SPDL1: variants seen among roughly 807,000 people sequenced by gnomAD.
SPDL1 encodes protein Spindly.
In SPDL1, 85 loss-of-function variants were observed where a neutral mutation model predicts 79.5. The ratio of observed to expected loss-of-function variants is 1.07; its 90% CI spans 0.90 to 1.28. The LOEUF (loss-of-function observed/expected upper bound fraction) is 1.28. Among genes scored for constraint, SPDL1 ranks in the 50% most tolerant of loss-of-function variants. SPDL1 has a pLI of 0.00. For missense variants in SPDL1, 703 were observed against 697.8 expected (o/e 1.01, Z -0.08); for synonymous variants, 269 against 240.3 (o/e 1.12, Z -1.10).
At chr5:169,601,877 T>A in intron 11 of SPDL1, 1 of 557,014 alleles carries the variant, frequency 1.8e-6, no homozygotes, top group Non-Finnish European at 3.2e-6. Flanking sequence ...AAAGGGAATA[T>A]CACAGTTTAA....
rs773264345 is a variant in SPDL1 at position 169,596,633 on chromosome 5, A to G, written c.964A>G (p.Met322Val). The stretch of plus-strand genomic sequence containing the variant: ...TGAGCAGCAGGAACGGTTGCTTGCC[A>G]TGTTGGAGCAGAAGAATGGTGAAAT... ...EFEQQERLLA[M>V]LEQKNGEIKH... The change falls in exon 8 of 12, where the codon ATG (methionine) becomes GTG (valine). Residue 322 changes from methionine to valine, a missense_variant. Coordinates refer to ENST00000265295, the MANE Select transcript of SPDL1 (RefSeq NM_017785.5). 23 of 1,607,694 alleles carry G rather than the reference A, an allele frequency of 1.4e-5. No homozygotes were observed. The East Asian group carries it at 1.8e-4, about 13-fold the overall frequency.
Position 169,594,307 on chromosome 5 carries a change from C to T in SPDL1, c.681+13C>T, listed in dbSNP as rs1420471601. 6.2e-6 allele frequency: 10 copies of T among 1,612,560 alleles called. No homozygotes were observed. Among genetic ancestry groups the T allele is most frequent in the Non-Finnish European group, 8.5e-6 (10 of 1,179,078 alleles). On this transcript the variant is annotated intron_variant, in intron 5 of 11. Coordinates refer to ENST00000265295, the MANE Select transcript of SPDL1 (RefSeq NM_017785.5). ...TAATGCCCTAGAGGTACTATGATTA[C>T]AGTAACATCATGTTTTCCAATTTAT...
chr5:169,603,436 G>A (rs1357341953), intron 11 of SPDL1, among the ~76,000 whole-genome samples: 2 of 152,250 alleles, frequency 1.3e-5, no homozygotes, highest in East Asian at 3.9e-4. Context: ...TGTATGTCAT[G>A]TTAACATTAA....
intron 11 of SPDL1, 49 bp downstream of exon 11, chr5:169,601,674 CCT>C (rs752946747): frequency 1.4e-6 from 2 of 1,468,378 alleles, no homozygotes; most frequent in East Asian, 2.3e-5. Context: ...CTCCATCTCT[CCT>C]CTCTCGCTGC....
intron 7 of SPDL1, 102 bp from the exon 8 acceptor site, chr5:169,596,459 T>A: frequency 9.9e-7 from 1 of 1,012,210 alleles, no homozygotes; most frequent in Non-Finnish European, 1.4e-6. Context: ...CCAAAATGAG[T>A]TCAAAGTAAT....
intron 3 of SPDL1, among the ~76,000 whole-genome samples, chr5:169,592,216 T>A: frequency 7.3e-6 from 1 of 137,128 alleles, no homozygotes; most frequent in South Asian, 2.5e-4. Flanking sequence ...TTTTTTTCCT[T>A]TTTTTTTTTT....
At position 169,594,175 on chromosome 5, in the gene SPDL1, C is replaced by T. The variant is rs75861463; in HGVS notation, c.562C>T (p.Gln188Ter). The T allele has an allele frequency of 9.9e-6, 16 of 1,612,236 alleles. No homozygotes were observed. Among genetic ancestry groups the T allele is most frequent in the Non-Finnish European group, 1.4e-5 (16 of 1,179,318 alleles). The change falls in exon 5 of 12, where the codon CAA becomes TAA. Residue 188 changes from glutamine to a stop codon, truncating the protein, a stop_gained. Transcript: ENST00000265295. LOFTEE classifies it high-confidence loss of function. The part of the protein sequence containing the change: ...TTLKEEVNEL[Q>*]YRQEQLELLI... ...CCTCAAAGAAGAAGTGAATGAACTACAATACAGACAAGAACAGCTAGAACT... is the reference window on the plus strand; with the variant it reads ...CCTCAAAGAAGAAGTGAATGAACTATAATACAGACAAGAACAGCTAGAACT...
rs769097497 is a variant in SPDL1 at position 169,598,544 on chromosome 5, T to C, written c.1101T>C (p.Tyr367=). The C allele has an allele frequency of 6.8e-6, 11 of 1,612,738 alleles. No homozygotes were observed. Among genetic ancestry groups the C allele is most frequent in the Middle Eastern group, 3.3e-4 (2 of 6,056 alleles). Residue 367 remains tyrosine (Y), a synonymous_variant, in exon 9 of 12, where the codon TAT becomes TAC. Coordinates refer to ENST00000265295, the MANE Select transcript of SPDL1 (RefSeq NM_017785.5). ...GTACTCTGGAAGATAACACCTATTA[T>C]ACAGATTTACTTCAGATGAAGCTGG... ...DSGTLEDNTY[Y]TDLLQMKLDN...
In SPDL1 at chr5:169,604,323, C is replaced by T. The variant is rs986252583; in HGVS notation, c.*116C>T. ...GGGTTATTTACTCATTGTGCCAGGA[C>T]CTGGCATTTTCATGTGCCTTTGACC... On this transcript the variant is annotated 3_prime_UTR_variant, in exon 12 of 12. Transcript: ENST00000265295. 20 of 1,097,502 alleles carry T rather than the reference C, an allele frequency of 1.8e-5. No homozygotes were observed. The Admixed American group carries it at 5.9e-4, about 32-fold the overall frequency. The allele number at this position is 1,097,502 out of a possible 1,614,324, so 68.0% of individuals were successfully genotyped here. A position where few individuals can be genotyped will look rare whatever the true frequency, so the allele number is the denominator to read the frequency against.
chr5:169,597,676 A>G (rs1404429703), intron 8 of SPDL1, among the ~76,000 whole-genome samples: 1 of 152,034 alleles, frequency 6.6e-6, no homozygotes, highest in East Asian at 1.9e-4. Flanking sequence ...ATCTTCATTA[A>G]CCTCCTAATG....
In SPDL1 at chr5:169,594,650, T is replaced by G; in HGVS notation, c.860T>G (p.Val287Gly). 1 of 1,613,550 alleles carries G rather than the reference T, an allele frequency of 6.2e-7. No individual in the cohort carries two copies. Among genetic ancestry groups the G allele is most frequent in the Non-Finnish European group, 8.5e-7 (1 of 1,179,484 alleles). Residue 287 changes from valine (V) to glycine (G), a missense_variant, in exon 7 of 12, where the codon GTA becomes GGA. Physicochemically the swap from Val to Gly is moderately radical, Grantham distance 109. Coordinates refer to ENST00000265295, the MANE Select transcript of SPDL1 (RefSeq NM_017785.5). ...TATCAGTCACTAAAGAAGCAAAATG[T>G]ATTTAACAGAGAACAGATGCAGAGA... ...VKYQSLKKQNVFNREQMQRMK... is the reference protein window; with the variant it reads ...VKYQSLKKQNGFNREQMQRMK...
chr5:169,591,004 A>G, intron 2 of SPDL1, 44 bp from the exon 3 acceptor site: 1 of 1,499,992 alleles, frequency 6.7e-7, no homozygotes, highest in South Asian at 1.2e-5. Flanking sequence ...TAATGGCTTT[A>G]GGCTATTTTT....
Position 169,601,375 on chromosome 5 carries a change from G to C in SPDL1, c.1420G>C (p.Gly474Arg), listed in dbSNP as rs750996171. ...KDACVNNSAL[G>R]GEVYRLPPQK... ...TGCATGTGTCAACAACAGTGCTCTC[G>C]GGGGAGAAGTTTATCGATTACCGCC... is the stretch of plus-strand genomic sequence containing the variant. The change falls in exon 11 of 12, where the codon GGG becomes CGG. Residue 474 changes from glycine (G) to arginine (R), a missense_variant. Transcript: ENST00000265295. 1.2e-6 allele frequency: 2 copies of C among 1,613,914 alleles called. No individual in the cohort carries two copies. The highest frequency in any genetic ancestry group is 1.7e-6 in the Non-Finnish European group (2 of 1,180,026).
At position 169,598,540 on chromosome 5, in the gene SPDL1, A is replaced by G. The variant is rs747434860; in HGVS notation, c.1097A>G (p.Tyr366Cys). 12 of 1,612,832 alleles carry G rather than the reference A, an allele frequency of 7.4e-6. No individual in the cohort carries two copies. The highest frequency in any genetic ancestry group is 3.3e-5 in the Admixed American group (2 of 59,988). The part of the protein sequence containing the change: ...VDSGTLEDNT[Y>C]YTDLLQMKLD... The stretch of plus-strand genomic sequence containing the variant: ...TCTGGTACTCTGGAAGATAACACCT[A>G]TTATACAGATTTACTTCAGATGAAG... The change falls in exon 9 of 12, where the codon TAT (tyrosine) becomes TGT (cysteine). Residue 366 changes from tyrosine (Y) to cysteine (C), a missense_variant. Transcript: ENST00000265295.
chr5:169,593,033 G>C (rs768129929), intron 3 of SPDL1, among the ~76,000 whole-genome samples: 4 of 151,938 alleles, frequency 2.6e-5, no homozygotes, highest in Non-Finnish European at 4.4e-5. Context: ...CTGGACTACT[G>C]CTGTAGCCTT....
At chr5:169,596,496 A>G (rs1581308632) in intron 7 of SPDL1, 65 bp from the exon 8 acceptor site, 3 of 1,373,852 alleles carry the variant, frequency 2.2e-6, no homozygotes, top group East Asian at 4.6e-5. Context: ...ATTGTATCAA[A>G]AAAGTAGTTA....
At chr5:169,601,682 G>T (rs1168945558) in intron 11 of SPDL1, 57 bp downstream of exon 11, 2 of 1,421,436 alleles carry the variant, frequency 1.4e-6, no homozygotes, top group South Asian at 1.2e-5. Flanking sequence ...CTCCTCTCTC[G>T]CTGCATGAAC....
At chr5:169,601,232 C>T (rs1374318596) in intron 10 of SPDL1, 48 bp from the exon 11 acceptor site, 1 of 1,531,132 alleles carries the variant, frequency 6.5e-7, no homozygotes, top group East Asian at 2.3e-5. Context: ...TTGATTGTGT[C>T]TTTGTTTTCT....
chr5:169,603,943 C>T, intron 11 of SPDL1, 117 bp from the exon 12 acceptor site: 2 of 1,109,494 alleles, frequency 1.8e-6, no homozygotes, highest in South Asian at 1.7e-5. Flanking sequence ...TTAGAGTCAA[C>T]TATATTTTTT....
Sources: gnomAD v4.1 joint callset for allele counts (sites outside exome capture counted in the v4.1 genomes callset) on GRCh38, gnomAD v4.1.1 for gene constraint, MANE v1.5 for transcripts, NCBI Gene and HGNC (gene_info 2026-07-23, HGNC 2026-07-21) for gene names.